The following ATP6V1D variants were observed in gnomAD, a reference collection of about 807,000 sequenced individuals.
ATP6V1D encodes the protein ATPase H+ transporting V1 subunit D.
In ATP6V1D, 20 loss-of-function variants were observed where a neutral mutation model predicts 39.4. The observed-to-expected ratio is 0.51, with a 90% CI of 0.36 to 0.74. ATP6V1D has a LOEUF of 0.74. Among genes scored for constraint, ATP6V1D ranks in the 30% least tolerant of loss-of-function variants. The probability of loss-of-function intolerance (pLI) is 0.00; values close to 1 mark genes in which losing one functional copy is unlikely to be tolerated. For missense variants in ATP6V1D, 228 were observed against 291.6 expected, an observed-to-expected ratio of 0.78 and a Z score of 1.59; for synonymous variants, 100 against 100.5, an observed-to-expected ratio of 0.99 and a Z score of 0.03.
intron 7 of ATP6V1D, among the ~76,000 whole-genome samples, chr14:67,342,659 CATTAATATA>C (rs1462043203): frequency 1.3e-5 from 2 of 148,368 alleles, no homozygotes. Context: ...TTCTCACTAA[CATTAATATA>C]GTTAATATAT....
Position 67,338,557 on chromosome 14 carries a change from C to T in ATP6V1D, c.*64G>A. 1.3e-6 allele frequency: 2 copies of T among 1,554,670 alleles called. No homozygotes were observed. The highest frequency in any genetic ancestry group is 2.4e-5 in the South Asian group (2 of 82,318). ...AAATAAATAGCCACACAAATCAAAC[C>T]TACACACTGTGAATTAAAATGAAGC... On this transcript the variant is annotated 3_prime_UTR_variant, in exon 9 of 9. Coordinates refer to ENST00000216442, the MANE Select transcript of ATP6V1D (RefSeq NM_015994.4).
intron 7 of ATP6V1D, among the ~76,000 whole-genome samples, chr14:67,341,966 T>G (rs1566596739): frequency 6.6e-6 from 1 of 151,778 alleles, no homozygotes; most frequent in African/African-American, 2.4e-5. Context: ...TGTGCTTTGT[T>G]AAACAGATGC....
In ATP6V1D at chr14:67,343,441, AAAAT is replaced by A. The variant is rs1188134658; in HGVS notation, c.457-7_457-4del. The A allele has an allele frequency of 6.3e-7, 1 of 1,588,580 alleles. No individual in the cohort carries two copies. Among genetic ancestry groups the A allele is most frequent in the Non-Finnish European group, 8.6e-7 (1 of 1,157,418 alleles). The stretch of plus-strand genomic sequence containing the variant: ...TCATCCAAAGTAACAAAAGAAGTCT[AAAAT>A]AAGAACAAATTAATAATGTAAGCAC... On this transcript the variant is annotated splice_region_variant and splice_polypyrimidine_tract_variant and intron_variant, in intron 6 of 8. Coordinates refer to ENST00000216442, the MANE Select transcript of ATP6V1D (RefSeq NM_015994.4).
chr14:67,356,708 T>A (rs984912278), intron 1 of ATP6V1D, among the ~76,000 whole-genome samples: 2 of 152,220 alleles, frequency 1.3e-5, no homozygotes, highest in African/African-American at 4.8e-5. Context: ...CTACGTTCAC[T>A]GTACCCCAAA....
At chr14:67,340,561 C>T (rs112398768) in intron 7 of ATP6V1D, 43 bp from the exon 8 acceptor site, 36,555 of 1,520,342 alleles carry the variant, frequency 0.024, 548 homozygotes, top group Non-Finnish European at 0.028. Flanking sequence ...ACTTCAAACC[C>T]CTTTTTTCAA....
intron 1 of ATP6V1D, among the ~76,000 whole-genome samples, chr14:67,358,620 A>G (rs1166153400): frequency 6.6e-6 from 1 of 152,184 alleles, no homozygotes; most frequent in Non-Finnish European, 1.5e-5. Flanking sequence ...GGATCACTTG[A>G]GCCCAGGGGT....
At position 67,341,206 on chromosome 14, in the gene ATP6V1D, C is replaced by T. The variant is rs550980253; in HGVS notation, c.524-688G>A. On this transcript the variant is annotated intron_variant, in intron 7 of 8. Transcript: ENST00000216442. The stretch of plus-strand genomic sequence containing the variant: ...AAAGTGAGGAGCGTCTGTGACTGGC[C>T]GCCATCCCATCTAGGAAGTGAGGAG... 5.3e-4 allele frequency among the ~76,000 whole-genome samples: 80 copies of T among 152,216 alleles called. 1 individual carries two copies. In the South Asian group the frequency reaches 0.014, roughly 27 times the overall value.
At chr14:67,341,393 C>T (rs1195583175) in intron 7 of ATP6V1D, among the ~76,000 whole-genome samples, 1 of 151,858 alleles carries the variant, frequency 6.6e-6, no homozygotes, top group Non-Finnish European at 1.5e-5. Context: ...AGCCCCTCCG[C>T]CCGGCAGCCG....
rs1472130846 is a variant in ATP6V1D, at chr14:67,348,995, C to T, written c.307+42G>A. 1.9e-6 allele frequency: 3 copies of T among 1,578,982 alleles called. No homozygotes were observed. The Admixed American group carries it at 5.1e-5, about 27-fold the overall frequency. The stretch of plus-strand genomic sequence containing the variant: ...AAACAGGTTAATTTTAAAATGTCAC[C>T]TCTTTTCTCCCCAAAGGGTTTCTAA... On this transcript the variant is annotated intron_variant, in intron 4 of 8. Coordinates refer to ENST00000216442, the MANE Select transcript of ATP6V1D (RefSeq NM_015994.4).
At chr14:67,353,510 T>C (rs192025501) in intron 1 of ATP6V1D, among the ~76,000 whole-genome samples, 64 of 152,096 alleles carry the variant, frequency 4.2e-4, no homozygotes, top group South Asian at 1.5e-3. Context: ...GTTTTTGAGA[T>C]GGAGTCTCAC....
chr14:67,347,355 G>A (rs147886305), intron 5 of ATP6V1D, 54 bp downstream of exon 5: 3 of 1,418,434 alleles, frequency 2.1e-6, no homozygotes, highest in Non-Finnish European at 3.0e-6. Flanking sequence ...TTCATTTAAA[G>A]AGGAAACAGG....
intron 1 of ATP6V1D, among the ~76,000 whole-genome samples, chr14:67,353,283 G>T (rs970402414): frequency 2.6e-5 from 4 of 152,102 alleles, no homozygotes; most frequent in Admixed American, 2.6e-4. Flanking sequence ...GAGATGACTG[G>T]GTCATCTGGG....
At chr14:67,350,514 T>G (rs2085648783) in intron 3 of ATP6V1D, 97 bp downstream of exon 3, 1 of 1,044,024 alleles carries the variant, frequency 9.6e-7, no homozygotes, top group African/African-American at 1.6e-5. Flanking sequence ...CATTTGTCCT[T>G]AACGCTTATT....
chr14:67,358,643 T>G (rs1028640128), intron 1 of ATP6V1D, among the ~76,000 whole-genome samples: 4 of 152,194 alleles, frequency 2.6e-5, no homozygotes, highest in African/African-American at 9.7e-5. Flanking sequence ...GAGGCTGCTG[T>G]GAGCTCTGAT....
intron 8 of ATP6V1D, among the ~76,000 whole-genome samples, chr14:67,339,336 G>A (rs72717393): frequency 0.03 from 4,599 of 151,996 alleles, 88 homozygotes; most frequent in Non-Finnish European, 0.036. Flanking sequence ...ATCCATTCTC[G>A]AATGGAACAG....
At chr14:67,339,532 C>T (rs569679591) in intron 8 of ATP6V1D, among the ~76,000 whole-genome samples, 11 of 152,236 alleles carry the variant, frequency 7.2e-5, no homozygotes, top group Non-Finnish European at 1.2e-4. Context: ...TTCTCTGAAC[C>T]GAGTATACAG....
chr14:67,353,077 C>G, intron 1 of ATP6V1D, 37 bp from the exon 2 acceptor site: 3 of 1,509,548 alleles, frequency 2.0e-6, no homozygotes, highest in Non-Finnish European at 2.7e-6. Context: ...CATCTATTCT[C>G]ATTGTTTAAA....
chr14:67,341,052 G>T (rs764797175), intron 7 of ATP6V1D, among the ~76,000 whole-genome samples: 1 of 152,172 alleles, frequency 6.6e-6, no homozygotes, highest in Non-Finnish European at 1.5e-5. Context: ...CGCCTGCCTT[G>T]GCCTCCCAAA....
intron 6 of ATP6V1D, among the ~76,000 whole-genome samples, chr14:67,345,092 A>T (rs2085611106): frequency 1.3e-5 from 2 of 150,968 alleles, no homozygotes; most frequent in South Asian, 4.2e-4. Context: ...AAATACAAAA[A>T]TTAGCTAGGT....
Sources: allele counts gnomAD v4.1 joint callset (sites outside exome capture counted in the v4.1 genomes callset), GRCh38; gene constraint gnomAD v4.1.1; transcripts MANE v1.5; gene names NCBI Gene and HGNC (gene_info 2026-07-23, HGNC 2026-07-21).